Variants in ARHGEF6 observed in about 807,000 individuals in gnomAD.
The protein encoded by ARHGEF6 is rho guanine nucleotide exchange factor 6.
In ARHGEF6, 9 loss-of-function variants were observed where a neutral mutation model predicts 70.3. That is an observed-to-expected ratio of 0.13 (90% CI 0.08 to 0.22). ARHGEF6 has a LOEUF of 0.22. Ranked by LOEUF, ARHGEF6 falls within the 10% of genes least tolerant of loss-of-function variation. ARHGEF6 has a pLI of 1.00. For synonymous variants in ARHGEF6, 201 were observed against 207.8 expected, an observed-to-expected ratio of 0.97 and a Z score of 0.28; for missense variants, 470 against 563.0, an observed-to-expected ratio of 0.83 and a Z score of 1.67.
intron 6 of ARHGEF6, among the ~76,000 whole-genome samples, chrX:136,727,369 CTTTCTTTCT>C (rs2076871242): frequency 1.5e-5 from 1 of 67,154 alleles, no homozygotes; most frequent in Non-Finnish European, 2.7e-5. Context: ...TTCTTTCTTT[CTTTCTTTCT>C]TTCTTTCTTT....
chrX:136,742,603 G>T (rs1297705820), intron 5 of ARHGEF6, among the ~76,000 whole-genome samples: 1 of 111,671 alleles, frequency 9.0e-6, no homozygotes, highest in Non-Finnish European at 1.9e-5. Flanking sequence ...GGTTTGCTGG[G>T]TTTTTTGCAA....
chrX:136,720,765 CA>C (rs2076788321), intron 6 of ARHGEF6, among the ~76,000 whole-genome samples: 1 of 111,796 alleles, frequency 8.9e-6, no homozygotes, highest in South Asian at 3.7e-4. Context: ...CTGAATAAAT[CA>C]AAAAAATTTC....
At chrX:136,672,254 G>A in intron 19 of ARHGEF6, 135 bp from the exon 20 acceptor site, 1 of 533,777 alleles carries the variant, frequency 1.9e-6, no homozygotes, top group East Asian at 3.5e-5. Context: ...TACACCCAGA[G>A]GACAGTCACC....
intron 2 of ARHGEF6, among the ~76,000 whole-genome samples, chrX:136,775,630 C>A (rs979037182): frequency 1.8e-5 from 2 of 111,583 alleles, no homozygotes; most frequent in African/African-American, 6.5e-5. Flanking sequence ...TTCCTGAGAA[C>A]TGGAACTGGA....
intron 12 of ARHGEF6, 72 bp downstream of exon 12, chrX:136,685,604 CA>C (rs377510796): frequency 0.22 from 174,417 of 779,632 alleles, 324 homozygotes; most frequent in Admixed American, 0.25. Context: ...AAGACTCCGT[CA>C]AAAAAAAAAA....
chrX:136,777,383 A>G (rs1319494461), intron 2 of ARHGEF6, among the ~76,000 whole-genome samples: 1 of 110,317 alleles, frequency 9.1e-6, no homozygotes, highest in Non-Finnish European at 1.9e-5. Flanking sequence ...ATCAAACCAC[A>G]ATGAGATATC....
Position 136,716,721 on chromosome X carries a change from C to T in ARHGEF6, c.733-3351G>A, listed in dbSNP as rs1005132134. Among the ~76,000 whole-genome samples, 15 of 112,016 alleles carry T rather than the reference C, an allele frequency of 1.3e-4. No individual in the cohort carries two copies. In the Admixed American group the frequency reaches 1.4e-3, roughly 11 times the overall value. Reference sequence around the variant, plus strand: ...TAAGGACTCTAACAGAAAAAGTAGACAACGTGCAAGAATAGATGGATATTA... The same window carrying T: ...TAAGGACTCTAACAGAAAAAGTAGATAACGTGCAAGAATAGATGGATATTA... On this transcript the variant is annotated intron_variant, in intron 6 of 21. Coordinates refer to ENST00000250617, the MANE Select transcript of ARHGEF6 (RefSeq NM_004840.3).
chrX:136,671,650 T>C (rs778734994), intron 20 of ARHGEF6, among the ~76,000 whole-genome samples: 1 of 112,342 alleles, frequency 8.9e-6, no homozygotes, highest in Non-Finnish European at 1.9e-5. Flanking sequence ...TCAAAACATG[T>C]GAGTGGCATC....
At chrX:136,686,611 T>TACAC (rs2076393411) in intron 11 of ARHGEF6, among the ~76,000 whole-genome samples, 1 of 76,732 alleles carries the variant, frequency 1.3e-5, no homozygotes, top group Non-Finnish European at 2.3e-5. Flanking sequence ...TATATATATA[T>TACAC]ATATATATAT....
Position 136,745,324 on chromosome X carries a change from C to T in ARHGEF6, c.358G>A (p.Gly120Arg). 8.3e-7 allele frequency: 1 copy of T among 1,211,473 alleles called. No homozygotes were observed. Among genetic ancestry groups the T allele is most frequent in the Non-Finnish European group, 1.1e-6 (1 of 895,240 alleles). Residue 120 changes from glycine (G) to arginine (R), a missense_variant, in exon 4 of 22, where the codon GGA (glycine) becomes AGA (arginine). Physicochemically the swap from Gly to Arg is moderately radical, Grantham distance 125 (BLOSUM62 -2). This residue lies in a region of ARHGEF6 where 379 missense variants were observed against 449.3 expected (regional missense o/e 0.84). Transcript: ENST00000250617. ...GCAGCACTAAGAGAAGAGGAACGTC[C>T]ACATGGTCTTTCTGATAGCTGATCT... is the stretch of plus-strand genomic sequence containing the variant. ...TEDQLSERPC[G>R]RSSSLSAANT...
At chrX:136,757,606 A>G (rs747606563) in intron 2 of ARHGEF6, among the ~76,000 whole-genome samples, 2 of 110,624 alleles carry the variant, frequency 1.8e-5, no homozygotes, top group South Asian at 7.6e-4. Flanking sequence ...GCCCAATCCA[A>G]ATCACTCCCT....
At chrX:136,779,030 T>G (rs188771039) in intron 2 of ARHGEF6, among the ~76,000 whole-genome samples, 89 of 111,796 alleles carry the variant, frequency 8.0e-4, no homozygotes, top group African/African-American at 2.7e-3. Context: ...AAAGTGTTAA[T>G]GGGAAGGAGT....
chrX:136,735,644 G>A (rs1049578206), intron 5 of ARHGEF6, among the ~76,000 whole-genome samples: 2 of 112,041 alleles, frequency 1.8e-5, no homozygotes, highest in Non-Finnish European at 3.8e-5. Flanking sequence ...AAACAAGAGT[G>A]TCACACAAAT....
chrX:136,766,384 G>T (rs1401931100), intron 2 of ARHGEF6, among the ~76,000 whole-genome samples: 2 of 91,360 alleles, frequency 2.2e-5, no homozygotes, highest in Non-Finnish European at 4.2e-5. Context: ...ATTTTGTGAG[G>T]TTTTTTTTGG....
At chrX:136,761,949 T>C (rs2077267638) in intron 2 of ARHGEF6, among the ~76,000 whole-genome samples, 1 of 110,918 alleles carries the variant, frequency 9.0e-6, no homozygotes, top group South Asian at 3.8e-4. Flanking sequence ...TGTTGTCGCC[T>C]AGGCTGGAGT....
intron 9 of ARHGEF6, among the ~76,000 whole-genome samples, chrX:136,698,100 G>A (rs2076530677): frequency 8.9e-6 from 1 of 111,992 alleles, no homozygotes; most frequent in Non-Finnish European, 1.9e-5. Context: ...ACATTCTAGA[G>A]TTTAAAAGTA....
At chrX:136,780,682 A>T (rs751012038) in intron 1 of ARHGEF6, 36 bp downstream of exon 1, 2 of 1,164,378 alleles carry the variant, frequency 1.7e-6, no homozygotes, top group Non-Finnish European at 2.3e-6. Context: ...CTCTCTGGTG[A>T]TAAGCAATCC....
intron 6 of ARHGEF6, among the ~76,000 whole-genome samples, chrX:136,718,281 A>G (rs1352830129): frequency 2.1e-4 from 23 of 111,630 alleles, no homozygotes; most frequent in Non-Finnish European, 5.7e-5. Flanking sequence ...GAGGCATTAC[A>G]TAATAATAAA....
At chrX:136,693,310 CA>C (rs2076477011) in intron 9 of ARHGEF6, among the ~76,000 whole-genome samples, 1 of 111,956 alleles carries the variant, frequency 8.9e-6, no homozygotes. Flanking sequence ...ACTGGTTCTT[CA>C]GAAAAGATAA....
Sources: gnomAD v4.1 joint callset for allele counts (sites outside exome capture counted in the v4.1 genomes callset) on GRCh38, gnomAD v4.1.1 for gene constraint, gnomAD v4.1.1 regional missense constraint, MANE v1.5 for transcripts, NCBI Gene and HGNC (gene_info 2026-07-23, HGNC 2026-07-21) for gene names.